Variants in CDH20 observed in about 807,000 individuals in gnomAD.
The protein encoded by CDH20 is cadherin 20, also known as cadherin-20.
A neutral mutation model predicts 74.2 loss-of-function variants in CDH20; 29 were observed. The observed-to-expected ratio is 0.39, with a 90% CI of 0.29 to 0.53. The LOEUF (loss-of-function observed/expected upper bound fraction) is 0.53. Among genes scored for constraint, CDH20 ranks in the 20% least tolerant of loss-of-function variants. CDH20 has a pLI of 0.69. For synonymous variants in CDH20, 469 were observed against 405.4 expected, an observed-to-expected ratio of 1.16 and a Z score of -1.88; for missense variants, 988 against 1,048.3, an observed-to-expected ratio of 0.94 and a Z score of 0.79.
chr18:61,417,680 A>G (rs1001082062), intron 1 of CDH20, among the ~76,000 whole-genome samples: 3 of 149,574 alleles, frequency 2.0e-5, no homozygotes, highest in Non-Finnish European at 4.4e-5. Context: ...GGGCAGATAG[A>G]AACAGATTGG....
intron 1 of CDH20, among the ~76,000 whole-genome samples, chr18:61,470,185 G>A (rs980948475): frequency 1.3e-5 from 2 of 152,180 alleles, no homozygotes; most frequent in South Asian, 4.1e-4. Flanking sequence ...GAGCACCCTG[G>A]GGGGTGTGGA....
chr18:61,431,221 A>C (rs1454572829), intron 1 of CDH20, among the ~76,000 whole-genome samples: 2 of 152,114 alleles, frequency 1.3e-5, no homozygotes, highest in Non-Finnish European at 2.9e-5. Context: ...CATAAGAAAA[A>C]CATCAGACAA....
At chr18:61,444,404 G>A (rs888814805) in intron 1 of CDH20, among the ~76,000 whole-genome samples, 3 of 152,098 alleles carry the variant, frequency 2.0e-5, no homozygotes, top group African/African-American at 7.2e-5. Flanking sequence ...TTGTTTTTAT[G>A]TCCAGACCAA....
intron 1 of CDH20, among the ~76,000 whole-genome samples, chr18:61,358,321 C>T (rs1273669837): frequency 1.3e-5 from 2 of 151,772 alleles, no homozygotes; most frequent in African/African-American, 4.8e-5. Flanking sequence ...GGTGTTTCAC[C>T]GTGTTAGCCA....
chr18:61,538,588 G>GTTTTTTTTT (rs1265851069), intron 8 of CDH20, among the ~76,000 whole-genome samples: 4 of 55,122 alleles, frequency 7.3e-5, no homozygotes, highest in Non-Finnish European at 1.0e-4. Context: ...CTTTTTGTTT[G>GTTTTTTTTT]TTTGTTTGTT....
intron 2 of CDH20, 28 bp downstream of exon 2, chr18:61,490,827 G>A (rs750086457): frequency 2.6e-5 from 42 of 1,608,434 alleles, no homozygotes; most frequent in South Asian, 6.6e-5. Context: ...GAAATGACCC[G>A]GGTATTGGAT....
At chr18:61,459,394 G>A (rs188698366) in intron 1 of CDH20, among the ~76,000 whole-genome samples, 11 of 152,256 alleles carry the variant, frequency 7.2e-5, no homozygotes, top group African/African-American at 2.4e-4. Context: ...AGTGCATCTC[G>A]TGGGGAGAGA....
Position 61,528,266 on chromosome 18 carries a change from C to T in CDH20, c.1271+46C>T, listed in dbSNP as rs200551332. 5 of 1,586,644 alleles carry T rather than the reference C, an allele frequency of 3.2e-6. No individual in the cohort carries two copies. The East Asian group carries it at 1.1e-4, about 36-fold the overall frequency. On this transcript the variant is annotated intron_variant, in intron 7 of 11. Coordinates refer to ENST00000262717, the MANE Select transcript of CDH20 (RefSeq NM_031891.4). ...TTTTCCTTATATGCTGGAATCTTCC[C>T]TTCCCTTGTATGTAATTTTCTAGCA...
chr18:61,390,083 C>A (rs1599053131), intron 1 of CDH20, among the ~76,000 whole-genome samples: 1 of 152,090 alleles, frequency 6.6e-6, no homozygotes, highest in Admixed American at 6.6e-5. Context: ...GCCTTCCCAC[C>A]CTTACCCCCA....
intron 6 of CDH20, among the ~76,000 whole-genome samples, chr18:61,510,980 CT>C (rs112741210): frequency 1.7e-4 from 23 of 136,002 alleles, no homozygotes; most frequent in Admixed American, 1.5e-3. Context: ...TTCTTTCTTT[CT>C]TTTTTTTTTT....
At chr18:61,399,693 G>A (rs1178088711) in intron 1 of CDH20, among the ~76,000 whole-genome samples, 1 of 151,970 alleles carries the variant, frequency 6.6e-6, no homozygotes, top group Non-Finnish European at 1.5e-5. Context: ...TTAATATATT[G>A]GAATGGAAAA....
At chr18:61,482,236 T>A (rs1239036331) in intron 1 of CDH20, among the ~76,000 whole-genome samples, 6 of 152,186 alleles carry the variant, frequency 3.9e-5, no homozygotes, top group Admixed American at 2.6e-4. Context: ...CCTCTTTAAA[T>A]AATCAGAGTA....
At chr18:61,474,630 A>G (rs1483617234) in intron 1 of CDH20, among the ~76,000 whole-genome samples, 3 of 152,178 alleles carry the variant, frequency 2.0e-5, no homozygotes, top group African/African-American at 7.2e-5. Context: ...ATCGTTGTTC[A>G]CTTTTTATTT....
At chr18:61,417,578 TAAAA>T (rs545256689) in intron 1 of CDH20, among the ~76,000 whole-genome samples, 13,853 of 61,744 alleles carry the variant, frequency 0.22, 1,199 homozygotes, top group Non-Finnish European at 0.24. Flanking sequence ...ATGTGGGAGC[TAAAA>T]AAAAAAAAAA....
At chr18:61,525,367 C>A (rs919786617) in intron 6 of CDH20, among the ~76,000 whole-genome samples, 1 of 152,088 alleles carries the variant, frequency 6.6e-6, no homozygotes. Context: ...ACACAAACAA[C>A]GGTGTCCACA....
At position 61,550,545 on chromosome 18, in the gene CDH20, T is replaced by C. The variant is rs116060662; in HGVS notation, c.1900+316T>C. 9.9e-3 allele frequency among the ~76,000 whole-genome samples: 1,505 copies of C among 152,334 alleles called. 31 individuals carry two copies. Among genetic ancestry groups the C allele is most frequent in the African/African-American group, 0.034 (1,423 of 41,572 alleles). On this transcript the variant is annotated intron_variant, in intron 11 of 11. Coordinates refer to ENST00000262717, the MANE Select transcript of CDH20 (RefSeq NM_031891.4). Reference sequence around the variant, plus strand: ...TTTACTTCAGAACAAAGCAGGTTCATTTTGACATCATAGAATCAAAATTAC... The same window carrying C: ...TTTACTTCAGAACAAAGCAGGTTCACTTTGACATCATAGAATCAAAATTAC...
At chr18:61,434,334 A>G (rs1392433287) in intron 1 of CDH20, among the ~76,000 whole-genome samples, 5 of 152,202 alleles carry the variant, frequency 3.3e-5, no homozygotes, top group African/African-American at 1.2e-4. Context: ...GTTAGAAAAC[A>G]TGGTACAGAA....
chr18:61,469,870 C>T (rs1376420053), intron 1 of CDH20, among the ~76,000 whole-genome samples: 1 of 152,124 alleles, frequency 6.6e-6, no homozygotes, highest in Non-Finnish European at 1.5e-5. Flanking sequence ...GATGTAGGTA[C>T]ATGAACTATA....
intron 1 of CDH20, among the ~76,000 whole-genome samples, chr18:61,391,288 G>A (rs1419756098): frequency 6.6e-6 from 1 of 152,126 alleles, no homozygotes; most frequent in Admixed American, 6.5e-5. Flanking sequence ...CTATTAGCCA[G>A]CTAAAATTAA....
Sources: gnomAD v4.1 joint callset for allele counts (sites outside exome capture counted in the v4.1 genomes callset) on GRCh38, gnomAD v4.1.1 for gene constraint, MANE v1.5 for transcripts, NCBI Gene and HGNC (gene_info 2026-07-23, HGNC 2026-07-21) for gene names.